DPYSL5: variants seen among roughly 807,000 people sequenced by gnomAD.
DPYSL5 encodes dihydropyrimidinase like 5, also known as dihydropyrimidinase-related protein 5.
A neutral mutation model predicts 58.4 loss-of-function variants in DPYSL5; 9 were observed. The ratio of observed to expected loss-of-function variants is 0.15; its 90% CI spans 0.09 to 0.27. The LOEUF (loss-of-function observed/expected upper bound fraction) is 0.27, where lower values mean the gene tolerates loss of function less well. Ranked by LOEUF, DPYSL5 falls within the 10% of genes least tolerant of loss-of-function variation. DPYSL5 has a pLI of 1.00. For synonymous variants in DPYSL5, 293 were observed against 301.9 expected (o/e 0.97, Z 0.31); for missense variants, 499 against 770.6 (o/e 0.65, Z 4.17).
At chr2:26,930,073 G>A (rs1355548054) in intron 5 of DPYSL5, among the ~76,000 whole-genome samples, 13 of 152,298 alleles carry the variant, frequency 8.5e-5, no homozygotes, top group Admixed American at 6.5e-4. Context: ...GTTGGCCCAC[G>A]AGTGGGTCCG....
chr2:26,932,198 A>AG (rs1287697529), intron 6 of DPYSL5, among the ~76,000 whole-genome samples: 2 of 76,974 alleles, frequency 2.6e-5, no homozygotes, highest in Non-Finnish European at 5.8e-5. Flanking sequence ...AAAGAAAGAA[A>AG]GAAAGAAAGA....
Position 26,929,086 on chromosome 2 carries a change from C to T in DPYSL5, c.669+763C>T, listed in dbSNP as rs1664906578. On this transcript the variant is annotated intron_variant, in intron 5 of 12. Transcript: ENST00000288699. ...CAGCTGAGAGCCCCCTGGGCTCCAC[C>T]TCCTGTCTGATCAGTGGTGGCCTTA... 2.0e-5 allele frequency among the ~76,000 whole-genome samples: 3 copies of T among 152,060 alleles called. No homozygotes were observed. The South Asian group carries it at 6.2e-4, about 32-fold the overall frequency.
intron 8 of DPYSL5, 141 bp from the exon 9 acceptor site, chr2:26,939,890 C>A: frequency 9.1e-7 from 1 of 1,101,594 alleles, no homozygotes; most frequent in East Asian, 2.4e-5. Context: ...TCACGACAGA[C>A]CACATGGCCT....
intron 1 of DPYSL5, among the ~76,000 whole-genome samples, chr2:26,889,430 C>T (rs575480975): frequency 8.5e-5 from 13 of 152,160 alleles, no homozygotes; most frequent in South Asian, 4.1e-4. Context: ...CCACCACGCC[C>T]GGCTAATTTT....
chr2:26,932,208 A>ACAGAAAGAAAGAAAGAAAGAAAAG (rs1553321171), intron 6 of DPYSL5, among the ~76,000 whole-genome samples: 1 of 70,170 alleles, frequency 1.4e-5, no homozygotes, highest in African/African-American at 5.7e-5. Flanking sequence ...AGAAAGAAAG[A>ACAGAAAGAAAGAAAGAAAGAAAAG]AAAGAAAGAA....
chr2:26,890,929 C>G (rs1663864911), intron 1 of DPYSL5, among the ~76,000 whole-genome samples: 1 of 152,176 alleles, frequency 6.6e-6, no homozygotes, highest in Admixed American at 6.5e-5. Flanking sequence ...GATCACGGCC[C>G]TGCCCTATGA....
chr2:26,938,078 G>A (rs1357477092), intron 8 of DPYSL5, among the ~76,000 whole-genome samples: 1 of 152,168 alleles, frequency 6.6e-6, no homozygotes, highest in African/African-American at 2.4e-5. Context: ...GCTTAGCAAA[G>A]CCAGTCATGT....
chr2:26,933,532 C>G lies in DPYSL5; in HGVS notation c.790+199C>G, dbSNP rs1665090760. On this transcript the variant is annotated intron_variant, in intron 7 of 12. Transcript: ENST00000288699. The surrounding 1 kb of genome is among the most constrained non-coding windows in gnomAD (Gnocchi z 4.2). ...TAGTCTGCTAGAACATGAGCTTTTT[C>G]TTCTGCAAATTTGTATGCATAACAG... Among the ~76,000 whole-genome samples the G allele has an allele frequency of 6.6e-6, 1 of 152,228 alleles. No individual in the cohort carries two copies. The highest frequency in any genetic ancestry group is 2.4e-5 in the African/African-American group (1 of 41,462).
chr2:26,915,303 G>A (rs982028558), intron 2 of DPYSL5, among the ~76,000 whole-genome samples: 6 of 152,306 alleles, frequency 3.9e-5, no homozygotes, highest in African/African-American at 1.4e-4. Context: ...ACTCCTCAGG[G>A]ACACAGCCAG....
intron 1 of DPYSL5, among the ~76,000 whole-genome samples, chr2:26,874,044 C>T (rs1663340608): frequency 6.6e-6 from 1 of 152,138 alleles, no homozygotes; most frequent in South Asian, 2.1e-4. Context: ...TGCTTATTTA[C>T]TACTTGTATC....
At chr2:26,887,217 TTAAAC>T (rs1272301892) in intron 1 of DPYSL5, among the ~76,000 whole-genome samples, 1 of 152,262 alleles carries the variant, frequency 6.6e-6, no homozygotes, top group Non-Finnish European at 1.5e-5. Flanking sequence ...AATGTGAGTC[TTAAAC>T]TAATGCTTTC....
chr2:26,883,077 T>A (rs1364077864), intron 1 of DPYSL5, among the ~76,000 whole-genome samples: 2 of 152,178 alleles, frequency 1.3e-5, no homozygotes, highest in African/African-American at 4.8e-5. Flanking sequence ...GTATGTTTTT[T>A]TAAAGTTTTA....
intron 2 of DPYSL5, among the ~76,000 whole-genome samples, chr2:26,916,322 G>A (rs79753706): frequency 1.3e-4 from 20 of 152,264 alleles, no homozygotes; most frequent in African/African-American, 4.1e-4. Flanking sequence ...TCTGCCCAGA[G>A]CCTGCTTGTG....
intron 1 of DPYSL5, among the ~76,000 whole-genome samples, chr2:26,860,572 G>GA (rs926405149): frequency 2.0e-5 from 3 of 152,216 alleles, no homozygotes; most frequent in African/African-American, 7.2e-5. Flanking sequence ...TGTGCTTGAT[G>GA]AAAAATAGGA....
At chr2:26,921,474 A>G (rs950344059) in intron 2 of DPYSL5, among the ~76,000 whole-genome samples, 1 of 151,606 alleles carries the variant, frequency 6.6e-6, no homozygotes, top group African/African-American at 2.4e-5. Flanking sequence ...TCGGGAACAC[A>G]ATTGGGCTGT....
intron 2 of DPYSL5, among the ~76,000 whole-genome samples, chr2:26,923,137 G>A (rs1664743557): frequency 6.6e-6 from 1 of 152,078 alleles, no homozygotes; most frequent in Non-Finnish European, 1.5e-5. Context: ...ACAATTTCAT[G>A]GAGCTCTTTT....
chr2:26,903,875 G>C (rs1332710124), intron 2 of DPYSL5, among the ~76,000 whole-genome samples: 1 of 152,230 alleles, frequency 6.6e-6, no homozygotes, highest in Non-Finnish European at 1.5e-5. Flanking sequence ...GTCAGTGAGA[G>C]AGAAGTTGGC....
At chr2:26,859,165 C>G (rs1037561566) in intron 1 of DPYSL5, among the ~76,000 whole-genome samples, 4 of 151,932 alleles carry the variant, frequency 2.6e-5, no homozygotes, top group African/African-American at 9.7e-5. Context: ...TTTTTTAATT[C>G]ATTTTGTTTT....
chr2:26,886,182 T>C (rs1339591824), intron 1 of DPYSL5, among the ~76,000 whole-genome samples: 3 of 152,206 alleles, frequency 2.0e-5, no homozygotes, highest in Admixed American at 1.3e-4. Flanking sequence ...TAAAGTTTGA[T>C]TGGATGTCGG....
Sources: gnomAD v4.1 joint callset for allele counts (sites outside exome capture counted in the v4.1 genomes callset) on GRCh38, gnomAD v4.1.1 for gene constraint, Gnocchi (gnomAD v3.1) non-coding constraint, MANE v1.5 for transcripts, NCBI Gene and HGNC (gene_info 2026-07-23, HGNC 2026-07-21) for gene names.